DPP6: variants seen among roughly 807,000 people sequenced by gnomAD.
The protein encoded by DPP6 is A-type potassium channel modulatory protein DPP6.
DPP6 carries 69 observed loss-of-function variants against 122.6 expected under a neutral mutation model. The observed-to-expected ratio is 0.56, with a 90% CI of 0.46 to 0.69. The LOEUF is 0.69. Ranked by LOEUF, DPP6 falls within the 30% of genes least tolerant of loss-of-function variation. The pLI, the probability that DPP6 is intolerant of heterozygous loss-of-function variation, is 0.00. For synonymous variants in DPP6, 418 were observed against 433.1 expected (o/e 0.97, Z 0.43); for missense variants, 928 against 1,116.9 (o/e 0.83, Z 2.41).
intron 1 of DPP6, among the ~76,000 whole-genome samples, chr7:154,367,526 T>C (rs1299529882): frequency 6.6e-6 from 1 of 152,240 alleles, no homozygotes; most frequent in African/African-American, 2.4e-5. Flanking sequence ...CTGGTGTATG[T>C]TCATGTGCTT....
Position 154,821,645 on chromosome 7 carries a change from T to TATATACAC in DPP6, c.1666+14534_1666+14535insTATACACA, listed in dbSNP as rs1362252192. Among the ~76,000 whole-genome samples the TATATACAC allele has an allele frequency of 0.019, 2,182 of 115,140 alleles. 26 individuals are homozygous for TATATACAC. The highest frequency in any genetic ancestry group is 0.029 in the Non-Finnish European group (1,625 of 55,862). The allele number at this position is 115,140 out of a possible 152,430, so 75.5% of individuals were successfully genotyped here. On this transcript the variant is annotated intron_variant, in intron 16 of 25. Coordinates refer to ENST00000377770, the MANE Select transcript of DPP6 (RefSeq NM_130797.4). The surrounding 1 kb of genome is among the most constrained non-coding windows in gnomAD (Gnocchi z 4.2). ...TTTTTTCTGTATATATATATATATA[T>TATATACAC]ACACATATATATATATATACACATA...
intron 1 of DPP6, among the ~76,000 whole-genome samples, chr7:154,300,051 C>T (rs192321361): frequency 8.5e-5 from 13 of 152,314 alleles, no homozygotes; most frequent in South Asian, 6.2e-4. Context: ...GGACTGATTG[C>T]GCCTCAAATC....
intron 8 of DPP6, among the ~76,000 whole-genome samples, chr7:154,753,007 G>A (rs1379374657): frequency 6.6e-6 from 1 of 152,096 alleles, no homozygotes; most frequent in African/African-American, 2.4e-5. Flanking sequence ...GTGTTTCTTG[G>A]GGGACATAGC....
chr7:154,801,278 T>G, intron 12 of DPP6, 77 bp from the exon 13 acceptor site: 20 of 1,520,126 alleles, frequency 1.3e-5, no homozygotes, highest in Admixed American at 8.2e-5. Flanking sequence ...TATCTCGGGG[T>G]GTATTTTATC....
At position 154,293,350 on chromosome 7, in the gene DPP6, G is replaced by A. The variant is rs150733778; in HGVS notation, c.244-152864G>A. 2.0e-3 allele frequency among the ~76,000 whole-genome samples: 304 copies of A among 152,258 alleles called. 1 individual carries two copies. The highest frequency in any genetic ancestry group is 6.9e-3 in the African/African-American group (285 of 41,552). ...CCTTTCAGAAGTGTTCATCTGTAGC[G>A]TAGGATTCAGTGATCCCCAAGTGTT... On this transcript the variant is annotated intron_variant, in intron 1 of 25. Transcript: ENST00000377770.
intron 8 of DPP6, among the ~76,000 whole-genome samples, chr7:154,743,313 G>A (rs970670240): frequency 5.3e-5 from 8 of 152,178 alleles, no homozygotes; most frequent in African/African-American, 1.9e-4. Context: ...TGAAAACTAT[G>A]TAAAAGGGCC....
chr7:154,256,088 G>A (rs1802641601), intron 1 of DPP6, among the ~76,000 whole-genome samples: 1 of 152,200 alleles, frequency 6.6e-6, no homozygotes, highest in South Asian at 2.1e-4. Flanking sequence ...TGAAATCTAA[G>A]AATGGATAGA....
At chr7:154,810,893 AT>A (rs1360892770) in intron 16 of DPP6, among the ~76,000 whole-genome samples, 12 of 152,212 alleles carry the variant, frequency 7.9e-5, no homozygotes, top group African/African-American at 2.7e-4. Context: ...AATCAAACAG[AT>A]TCCTAGAATT....
the DPP6 span, among the ~76,000 whole-genome samples, chr7:153,849,702 T>C: frequency 6.6e-6 from 1 of 152,200 alleles, no homozygotes; most frequent in Non-Finnish European, 1.5e-5. Flanking sequence ...TTTGAAAATG[T>C]TCTTTGAGAA....
chr7:153,762,350 C>T, the DPP6 span, among the ~76,000 whole-genome samples: 118 of 152,336 alleles, frequency 7.7e-4, 1 homozygote, highest in South Asian at 8.7e-3. Context: ...ATATCTTCTT[C>T]CATCCTATGT....
At chr7:154,700,352 A>C (rs1457204549) in intron 7 of DPP6, among the ~76,000 whole-genome samples, 1 of 152,220 alleles carries the variant, frequency 6.6e-6, no homozygotes, top group Non-Finnish European at 1.5e-5. Context: ...CATAAAACAG[A>C]GTTCAGTAAC....
the DPP6 span, among the ~76,000 whole-genome samples, chr7:153,787,713 T>C: frequency 4.2e-3 from 627 of 150,672 alleles, 5 homozygotes; most frequent in African/African-American, 0.014. Context: ...AAGGCTGTAG[T>C]GAGTCATGAC....
At chr7:154,466,789 A>T (rs1821824115) in intron 2 of DPP6, among the ~76,000 whole-genome samples, 1 of 152,170 alleles carries the variant, frequency 6.6e-6, no homozygotes, top group African/African-American at 2.4e-5. Context: ...TCTGACCCGC[A>T]AAGATTCACA....
intron 8 of DPP6, among the ~76,000 whole-genome samples, chr7:154,763,878 T>G (rs1051388917): frequency 6.6e-6 from 1 of 152,202 alleles, no homozygotes; most frequent in African/African-American, 2.4e-5. Flanking sequence ...ACTTTAAGTC[T>G]GCCTCACTCC....
intron 1 of DPP6, among the ~76,000 whole-genome samples, chr7:153,966,307 A>C (rs1306378820): frequency 6.6e-6 from 1 of 151,288 alleles, no homozygotes; most frequent in Non-Finnish European, 1.5e-5. Context: ...GCATGTGTTC[A>C]TGTGTGTGTA....
At position 154,332,975 on chromosome 7, in the gene DPP6, G is replaced by A. The variant is rs759903909; in HGVS notation, c.244-113239G>A. ...GGAGGATCTCAGGCGCGGGAGGCTC[G>A]CGATGGGTCCGGGGAACAGCTGCTG... On this transcript the variant is annotated intron_variant, in intron 1 of 25. Coordinates refer to ENST00000377770, the MANE Select transcript of DPP6 (RefSeq NM_130797.4). 7.4e-4 allele frequency among the ~76,000 whole-genome samples: 113 copies of A among 152,234 alleles called. 1 individual carries two copies. Among genetic ancestry groups the A allele is most frequent in the Non-Finnish European group, 1.6e-3 (106 of 68,016 alleles).
At chr7:153,877,214 A>C in the DPP6 span, among the ~76,000 whole-genome samples, 3 of 152,158 alleles carry the variant, frequency 2.0e-5, no homozygotes, top group African/African-American at 7.2e-5. Flanking sequence ...AGTTTTTAAA[A>C]AATTATTTGA....
At chr7:154,889,047 G>A (rs781681937) in intron 23 of DPP6, among the ~76,000 whole-genome samples, 4 of 152,170 alleles carry the variant, frequency 2.6e-5, no homozygotes, top group Non-Finnish European at 5.9e-5. Flanking sequence ...TGGGAATTAT[G>A]GGAGCTACAA....
rs1175930436 is a variant in DPP6 at position 154,425,617 on chromosome 7, T to TGTGG, written c.244-20593_244-20590dup. On this transcript the variant is annotated intron_variant, in intron 1 of 25. Transcript: ENST00000377770. ...TTGGGGAAAAAAATGTGTGTGTGTG[T>TGTGG]GTGGGTGTGTGTGTGTGTGTGTGTG... Among the ~76,000 whole-genome samples, 454 of 121,778 alleles carry TGTGG rather than the reference T, an allele frequency of 3.7e-3. 8 individuals are homozygous for TGTGG. The highest frequency in any genetic ancestry group is 0.029 in the Admixed American group (361 of 12,596). 79.9% of individuals were successfully genotyped at this position (121,778 alleles called of 152,430 possible). A position where few individuals can be genotyped will look rare whatever the true frequency, so the allele number is the denominator to read the frequency against.
Sources: allele counts gnomAD v4.1 joint callset (sites outside exome capture counted in the v4.1 genomes callset), GRCh38; gene constraint gnomAD v4.1.1; non-coding constraint Gnocchi (gnomAD v3.1); transcripts MANE v1.5; gene names NCBI Gene and HGNC (gene_info 2026-07-23, HGNC 2026-07-21).